The following C12orf75 variants were observed in gnomAD, a reference collection of about 807,000 sequenced individuals.
C12orf75 encodes overexpressed in colon carcinoma 1 protein.
In C12orf75, 4 loss-of-function variants were observed where a neutral mutation model predicts 11.4. That is an observed-to-expected ratio of 0.35 (90% CI 0.17 to 0.80). C12orf75 has a LOEUF of 0.80. Among genes scored for constraint, C12orf75 ranks in the 30% least tolerant of loss-of-function variants. The pLI, the probability that C12orf75 is intolerant of heterozygous loss-of-function variation, is 0.52. For missense variants in C12orf75, 89 were observed against 80.4 expected (o/e 1.11, Z -0.41); for synonymous variants, 30 against 30.0 (o/e 1.00, Z 0.00).
Position 105,330,936 on chromosome 12 carries a change from A to G in C12orf75, c.45A>G (p.Gln15=), listed in dbSNP as rs1223225540. ...CCGCCACCAGCGCGGGCGCGGGCCA[A>G]GGTGAGTCCGGCGGGAGGCGGGGGC... The part of the protein sequence containing the change: ...NSTATSAGAG[Q]GPAGAAKDVT... The change falls in exon 1 of 6, where the codon CAA becomes CAG. Residue 15 remains glutamine, a splice_region_variant and synonymous_variant. Coordinates refer to ENST00000443585, the MANE Select transcript of C12orf75 (RefSeq NM_001145199.2). 12 of 1,229,806 alleles carry G rather than the reference A, an allele frequency of 9.8e-6. No individual in the cohort carries two copies. In the East Asian group the frequency reaches 3.5e-4, roughly 36 times the overall value. The allele number at this position is 1,229,806 out of a possible 1,614,324, so 76.2% of individuals were successfully genotyped here.
chr12:105,352,361 G>A (rs923262530), intron 2 of C12orf75, among the ~76,000 whole-genome samples: 3 of 152,118 alleles, frequency 2.0e-5, no homozygotes, highest in Non-Finnish European at 4.4e-5. Flanking sequence ...GCTGTTTGGC[G>A]GTAAGGAATG....
chr12:105,365,989 A>T, intron 3 of C12orf75, 147 bp downstream of exon 3: 2 of 686,336 alleles, frequency 2.9e-6, no homozygotes, highest in South Asian at 3.4e-5. Flanking sequence ...TATGGTCTGA[A>T]AAAGAACTTG....
At chr12:105,346,557 C>A (rs1049333085) in intron 1 of C12orf75, among the ~76,000 whole-genome samples, 1 of 151,958 alleles carries the variant, frequency 6.6e-6, no homozygotes, top group African/African-American at 2.4e-5. Context: ...GTTTAATAAT[C>A]TCTGATTCTA....
chr12:105,369,500 G>GT (rs1209002238), intron 5 of C12orf75, among the ~76,000 whole-genome samples: 1 of 151,888 alleles, frequency 6.6e-6, no homozygotes, highest in African/African-American at 2.4e-5. Context: ...GTGCAGGCTT[G>GT]TTACATAGGT....
At chr12:105,346,307 G>A (rs1892640238) in intron 1 of C12orf75, among the ~76,000 whole-genome samples, 2 of 152,306 alleles carry the variant, frequency 1.3e-5, no homozygotes, top group Middle Eastern at 6.8e-3. Flanking sequence ...TTCTGAGGCT[G>A]TATCACAGGC....
intron 1 of C12orf75, among the ~76,000 whole-genome samples, chr12:105,337,633 T>G (rs908702011): frequency 6.6e-6 from 1 of 152,148 alleles, no homozygotes; most frequent in Non-Finnish European, 1.5e-5. Flanking sequence ...ATCTGAAAAC[T>G]ATGTCAAAGG....
At chr12:105,344,201 G>A (rs1191073180) in intron 1 of C12orf75, among the ~76,000 whole-genome samples, 2 of 152,150 alleles carry the variant, frequency 1.3e-5, no homozygotes, top group Non-Finnish European at 2.9e-5. Flanking sequence ...TTTCACACAC[G>A]TTACTGTGCT....
chr12:105,337,486 T>G (rs547317342), intron 1 of C12orf75, among the ~76,000 whole-genome samples: 4 of 152,152 alleles, frequency 2.6e-5, no homozygotes, highest in African/African-American at 9.6e-5. Flanking sequence ...AGGGGGTTAC[T>G]GGGGAATTGG....
intron 2 of C12orf75, among the ~76,000 whole-genome samples, chr12:105,357,598 A>T (rs1229626465): frequency 6.6e-6 from 1 of 152,148 alleles, no homozygotes; most frequent in Non-Finnish European, 1.5e-5. Context: ...TATGACTGAA[A>T]GTCTGACTCA....
chr12:105,346,010 T>G lies in C12orf75; in HGVS notation c.47-2592T>G, dbSNP rs968311956. On this transcript the variant is annotated intron_variant, in intron 1 of 5. Transcript: ENST00000443585. ...AAGAAACATTTAAAGAAGCTTCATC[T>G]GCAAAATAAAACCTTGGGTCTCCAA... Among the ~76,000 whole-genome samples, 4 of 152,150 alleles carry G rather than the reference T, an allele frequency of 2.6e-5. No homozygotes were observed. In the East Asian group the frequency reaches 7.7e-4, roughly 29 times the overall value.
rs570385614 is a variant in C12orf75, at chr12:105,355,772, G to A, written c.71+7146G>A. Among the ~76,000 whole-genome samples, 5 of 152,324 alleles carry A rather than the reference G, an allele frequency of 3.3e-5. No homozygotes were observed. The East Asian group carries it at 9.6e-4, about 29-fold the overall frequency. On this transcript the variant is annotated intron_variant, in intron 2 of 5. Coordinates refer to ENST00000443585, the MANE Select transcript of C12orf75 (RefSeq NM_001145199.2). ...AAATTTCTTAAGGTAAGGAGATGAA[G>A]AGTGCACCCTTGCCTTATAGCAAAT...
intron 1 of C12orf75, among the ~76,000 whole-genome samples, chr12:105,345,833 A>ATT (rs111617444): frequency 1.4e-5 from 2 of 144,282 alleles, no homozygotes; most frequent in Admixed American, 6.9e-5. Flanking sequence ...TAATTTTTGT[A>ATT]TTTTTTTTTT....
chr12:105,364,052 A>G (rs969560616), intron 2 of C12orf75, among the ~76,000 whole-genome samples: 2 of 152,244 alleles, frequency 1.3e-5, no homozygotes, highest in African/African-American at 4.8e-5. Context: ...ACGGATATGT[A>G]AATGGATGTG....
At chr12:105,352,008 G>A (rs767827369) in intron 2 of C12orf75, among the ~76,000 whole-genome samples, 24 of 152,094 alleles carry the variant, frequency 1.6e-4, no homozygotes, top group Admixed American at 2.6e-4. Context: ...GCTACAAGAG[G>A]GTCAGATAGC....
chr12:105,361,291 A>G (rs1892862061), intron 2 of C12orf75, among the ~76,000 whole-genome samples: 1 of 152,134 alleles, frequency 6.6e-6, no homozygotes, highest in African/African-American at 2.4e-5. Context: ...CAAAATAAAG[A>G]GTTTTGTGAG....
chr12:105,337,218 G>A (rs1039962339), intron 1 of C12orf75, among the ~76,000 whole-genome samples: 25 of 152,082 alleles, frequency 1.6e-4, no homozygotes, highest in African/African-American at 4.8e-4. Flanking sequence ...CAGCTGCTTG[G>A]GAGGCTGAAG....
At chr12:105,368,590 A>G (rs1381424101) in intron 5 of C12orf75, among the ~76,000 whole-genome samples, 2 of 152,212 alleles carry the variant, frequency 1.3e-5, no homozygotes, top group African/African-American at 4.8e-5. Context: ...CCAGAATCTA[A>G]CCGTTGGCAG....
intron 2 of C12orf75, among the ~76,000 whole-genome samples, chr12:105,356,992 G>A (rs750080911): frequency 1.3e-5 from 2 of 152,116 alleles, no homozygotes; most frequent in Non-Finnish European, 2.9e-5. Flanking sequence ...AAAAGGCCAG[G>A]TAGGCGAAAG....
intron 2 of C12orf75, among the ~76,000 whole-genome samples, chr12:105,360,472 A>G (rs755298145): frequency 2.6e-5 from 4 of 152,166 alleles, no homozygotes; most frequent in African/African-American, 7.2e-5. Flanking sequence ...CTATTTTTGT[A>G]ACTTCTGAAA....
Sources: allele counts gnomAD v4.1 joint callset (sites outside exome capture counted in the v4.1 genomes callset), GRCh38; gene constraint gnomAD v4.1.1; transcripts MANE v1.5; gene names NCBI Gene and HGNC (gene_info 2026-07-23, HGNC 2026-07-21).